The following CTNNAL1 variants were observed in gnomAD, a reference collection of about 807,000 sequenced individuals.
The protein encoded by CTNNAL1 is alpha-catulin.
Under a neutral mutation model 93.6 loss-of-function variants are expected in CTNNAL1, and 69 were observed. The ratio of observed to expected loss-of-function variants is 0.74; its 90% CI spans 0.61 to 0.90. The LOEUF (loss-of-function observed/expected upper bound fraction) is 0.90, where lower values mean the gene tolerates loss of function less well. CTNNAL1 is among the 40% of genes least tolerant of loss of function. The probability of loss-of-function intolerance (pLI) is 0.00; values close to 1 mark genes in which losing one functional copy is unlikely to be tolerated. For synonymous variants in CTNNAL1, 286 were observed against 305.4 expected (o/e 0.94, Z 0.66); for missense variants, 836 against 862.0 (o/e 0.97, Z 0.38).
chr9:108,959,607 G>C (rs1830777609), intron 11 of CTNNAL1, among the ~76,000 whole-genome samples: 1 of 151,796 alleles, frequency 6.6e-6, no homozygotes, highest in African/African-American at 2.4e-5. Context: ...AAAATAAACT[G>C]GCTAAATTAT....
chr9:108,996,997 C>T (rs1052537617), intron 2 of CTNNAL1, among the ~76,000 whole-genome samples: 1 of 152,046 alleles, frequency 6.6e-6, no homozygotes, highest in Non-Finnish European at 1.5e-5. Flanking sequence ...TAATGTTTGC[C>T]AAAGTTTCTG....
chr9:108,982,329 G>C (rs930023153), intron 6 of CTNNAL1, among the ~76,000 whole-genome samples: 17 of 152,232 alleles, frequency 1.1e-4, no homozygotes, highest in Admixed American at 2.0e-4. Flanking sequence ...AAAGCACTCA[G>C]AAAAGGGCTG....
At position 108,955,310 on chromosome 9, in the gene CTNNAL1, C is replaced by T. The variant is rs148485080; in HGVS notation, c.1629+480G>A. On this transcript the variant is annotated intron_variant, in intron 12 of 18. Transcript: ENST00000325551. ...CCACAATTTCCAATATTTTTGTCCC[C>T]CAAAAGGGATCTTGGGACCACTACT... Among the ~76,000 whole-genome samples the T allele has an allele frequency of 4.6e-3, 705 of 152,184 alleles. 1 individual carries two copies. Among genetic ancestry groups the T allele is most frequent in the Non-Finnish European group, 8.6e-3 (586 of 67,996 alleles).
At chr9:109,011,185 T>C (rs1395285165) in intron 1 of CTNNAL1, among the ~76,000 whole-genome samples, 1 of 152,224 alleles carries the variant, frequency 6.6e-6, no homozygotes, top group African/African-American at 2.4e-5. Context: ...TGTACTTCCC[T>C]GCTTTGTTAA....
chr9:108,994,996 C>A (rs1462455880), intron 2 of CTNNAL1, among the ~76,000 whole-genome samples: 2 of 152,196 alleles, frequency 1.3e-5, no homozygotes, highest in Non-Finnish European at 2.9e-5. Context: ...TTCCAGGTAA[C>A]AGAGGCCTGG....
chr9:108,947,508 A>G (rs1214682564), intron 15 of CTNNAL1, among the ~76,000 whole-genome samples: 2 of 152,234 alleles, frequency 1.3e-5, no homozygotes, highest in Non-Finnish European at 1.5e-5. Flanking sequence ...TTTACACACA[A>G]GAATGCTCTT....
In CTNNAL1 at chr9:108,958,762, G is replaced by GTCACCCAGGCTAAA. The variant is rs1830749406; in HGVS notation, c.1592-2949_1592-2936dup. On this transcript the variant is annotated intron_variant, in intron 11 of 18. Transcript: ENST00000325551. ...TTTTTTTGAGACAGAGTCTCACTCT[G>GTCACCCAGGCTAAA]TCACCCAGGCTAAAGTGCAGTGGTG... 2.0e-5 allele frequency among the ~76,000 whole-genome samples: 3 copies of GTCACCCAGGCTAAA among 151,086 alleles called. No individual in the cohort carries two copies. The South Asian group carries it at 6.3e-4, about 31-fold the overall frequency.
chr9:109,013,467 G>T lies in CTNNAL1; in HGVS notation c.-25C>A. Reference sequence around the variant, plus strand: ...TGGCCCTCGGTCTATCCCGCAGCCGGGACTCCGCGCCGCGGCGAGCCTGCC... The same window carrying T: ...TGGCCCTCGGTCTATCCCGCAGCCGTGACTCCGCGCCGCGGCGAGCCTGCC... On this transcript the variant is annotated 5_prime_UTR_variant, in exon 1 of 19. Coordinates refer to ENST00000325551, the MANE Select transcript of CTNNAL1 (RefSeq NM_003798.4). 1 of 1,353,126 alleles carries T rather than the reference G, an allele frequency of 7.4e-7. No individual in the cohort carries two copies. Among genetic ancestry groups the T allele is most frequent in the Non-Finnish European group, 9.6e-7 (1 of 1,046,292 alleles). The allele number at this position is 1,353,126 out of a possible 1,614,324, so 83.8% of individuals were successfully genotyped here. A position where few individuals can be genotyped will look rare whatever the true frequency, so the allele number is the denominator to read the frequency against.
intron 10 of CTNNAL1, among the ~76,000 whole-genome samples, chr9:108,966,717 T>C (rs1046352191): frequency 2.2e-5 from 2 of 91,628 alleles, no homozygotes; most frequent in African/African-American, 8.3e-5. Context: ...TGTTAGCTAC[T>C]ACATGAATGA....
At chr9:108,965,601 T>TA (rs1199992251) in intron 10 of CTNNAL1, 73 bp from the exon 11 acceptor site, 24 of 774,806 alleles carry the variant, frequency 3.1e-5, no homozygotes, top group Non-Finnish European at 4.6e-5. Flanking sequence ...AGACCAAAGG[T>TA]AAGTAAGTCT....
intron 1 of CTNNAL1, among the ~76,000 whole-genome samples, chr9:109,007,772 TGTCA>T (rs1827077412): frequency 6.6e-6 from 1 of 152,194 alleles, no homozygotes; most frequent in Admixed American, 6.5e-5. Context: ...AAGAGAACAA[TGTCA>T]GTATCTCTGA....
chr9:108,997,731 T>C (rs1832075674), intron 2 of CTNNAL1, among the ~76,000 whole-genome samples: 1 of 152,190 alleles, frequency 6.6e-6, no homozygotes, highest in Admixed American at 6.5e-5. Flanking sequence ...TCCCTGGCTC[T>C]TCTATCACAT....
rs1156500047 is a variant in CTNNAL1 at position 108,979,439 on chromosome 9, T to C, written c.943A>G (p.Lys315Glu). Residue 315 changes from lysine to glutamate, a missense_variant, in exon 7 of 19, where the codon AAA (lysine) becomes GAA (glutamate). Coordinates refer to ENST00000325551, the MANE Select transcript of CTNNAL1 (RefSeq NM_003798.4). ...ALRENLYFQS[K>E]ENLSVTLEVI... ...TCCAATGTCACAGAAAGGTTCTCTT[T>C]GGACTGAAAATAAAGATTCTCCCGA... 3.7e-6 allele frequency: 6 copies of C among 1,614,136 alleles called. No individual in the cohort carries two copies. The highest frequency in any genetic ancestry group is 5.1e-6 in the Non-Finnish European group (6 of 1,180,010).
In CTNNAL1 at chr9:108,942,797, T is replaced by A. The variant is rs751937894; in HGVS notation, c.2177A>T (p.Asn726Ile). Residue 726 changes from asparagine to isoleucine, a missense_variant, in exon 19 of 19, where the codon AAT (asparagine) becomes ATT (isoleucine). Transcript: ENST00000325551. ...AGTTTTACTATCCATAGTGTCCTTA[T>A]TTGTAACTGAGACCCATCCGTTATT... ...MENNGWVSVT[N>I]KDTMDSKT 4 of 1,613,254 alleles carry A rather than the reference T, an allele frequency of 2.5e-6. No individual in the cohort carries two copies. The African/African-American group carries it at 4.0e-5, about 16-fold the overall frequency.
chr9:108,993,455 C>A (rs926354928), intron 2 of CTNNAL1, among the ~76,000 whole-genome samples: 5 of 152,164 alleles, frequency 3.3e-5, no homozygotes, highest in African/African-American at 1.2e-4. Context: ...ACAAAAGCCT[C>A]CCTCCTGAGA....
Position 108,972,956 on chromosome 9 carries a change from T to C in CTNNAL1, c.1189-123A>G, listed in dbSNP as rs1831160756. 5 of 1,211,582 alleles carry C rather than the reference T, an allele frequency of 4.1e-6. No homozygotes were observed. The South Asian group carries it at 8.3e-5, about 20-fold the overall frequency. The allele number at this position is 1,211,582 out of a possible 1,614,324, so 75.1% of individuals were successfully genotyped here. On this transcript the variant is annotated intron_variant, in intron 8 of 18. Transcript: ENST00000325551. ...ACATCAGCACTTTAAAAACTATTAA[T>C]AAAGAGAAGCCGCAAAGCAGTTCCA...
rs559132551 is a variant in CTNNAL1 at position 108,983,267 on chromosome 9, C to T, written c.778G>A (p.Gly260Arg). Reference sequence around the variant, plus strand: ...GCCACTTTCATACGGTCAAATACTCCTTCTTTGTTTTTATGGGCTGATTCG... The same window carrying T: ...GCCACTTTCATACGGTCAAATACTCTTTCTTTGTTTTTATGGGCTGATTCG... Reference protein sequence around the residue: ...NCESAHKNKEGVFDRMKVALD... With the variant: ...NCESAHKNKERVFDRMKVALD... The change falls in exon 6 of 19, where the codon GGA becomes AGA. Residue 260 changes from glycine to arginine, a missense_variant. Transcript: ENST00000325551. 2.5e-6 allele frequency: 4 copies of T among 1,588,552 alleles called. No homozygotes were observed. The highest frequency in any genetic ancestry group is 3.5e-5 in the Admixed American group (2 of 57,066).
At chr9:108,979,591 C>T (rs1831367464) in intron 6 of CTNNAL1, 110 bp from the exon 7 acceptor site, 7 of 1,005,286 alleles carry the variant, frequency 7.0e-6, no homozygotes, top group South Asian at 3.1e-5. Context: ...TTTCCTTTTC[C>T]CAAGCTGAGG....
In CTNNAL1 at chr9:109,004,855, T is replaced by C. The variant is rs967633828; in HGVS notation, c.142-5599A>G. Among the ~76,000 whole-genome samples the C allele has an allele frequency of 4.6e-5, 7 of 152,180 alleles. No homozygotes were observed. The East Asian group carries it at 1.3e-3, about 29-fold the overall frequency. On this transcript the variant is annotated intron_variant, in intron 1 of 18. Coordinates refer to ENST00000325551, the MANE Select transcript of CTNNAL1 (RefSeq NM_003798.4). ...AATAATGAAAGCATTATGTTTAACA[T>C]AGTACCATAAACAGTTTATTGTAAG... is the stretch of plus-strand genomic sequence containing the variant.
Sources: allele counts gnomAD v4.1 joint callset (sites outside exome capture counted in the v4.1 genomes callset), GRCh38; gene constraint gnomAD v4.1.1; transcripts MANE v1.5; gene names NCBI Gene and HGNC (gene_info 2026-07-23, HGNC 2026-07-21).